The following CLCA1 variants were observed in gnomAD, a reference collection of about 807,000 sequenced individuals.
CLCA1 encodes calcium-activated chloride channel regulator 1.
A neutral mutation model predicts 85.6 loss-of-function variants in CLCA1; 59 were observed. That is an observed-to-expected ratio of 0.69 (90% CI 0.56 to 0.86). CLCA1 has a LOEUF of 0.86. CLCA1 is among the 40% of genes least tolerant of loss of function. The pLI, the probability that CLCA1 is intolerant of heterozygous loss-of-function variation, is 0.00. For synonymous variants in CLCA1, 396 were observed against 398.3 expected (o/e 0.99, Z 0.07); for missense variants, 1,022 against 1,101.4 (o/e 0.93, Z 1.02).
At chr1:86,474,073 A>C (rs986444252) in intron 3 of CLCA1, among the ~76,000 whole-genome samples, 197 bp downstream of exon 3, 1 of 152,226 alleles carries the variant, frequency 6.6e-6, no homozygotes, top group Non-Finnish European at 1.5e-5. Context: ...AATTTAATTT[A>C]CTTTAGATAC....
intron 1 of CLCA1, among the ~76,000 whole-genome samples, chr1:86,472,711 T>C (rs895537838): frequency 1.2e-4 from 18 of 152,212 alleles, no homozygotes; most frequent in African/African-American, 4.3e-4. Flanking sequence ...TATTTTCTTA[T>C]ATCTCTTAGT....
In CLCA1 at chr1:86,500,083, A is replaced by G. The variant is rs748608868; in HGVS notation, c.*38A>G. The G allele has an allele frequency of 2.1e-6, 3 of 1,438,268 alleles. No homozygotes were observed. The South Asian group carries it at 3.8e-5, about 18-fold the overall frequency. The allele number at this position is 1,438,268 out of a possible 1,614,324, so 89.1% of individuals were successfully genotyped here. Reference sequence around the variant, plus strand: ...GTCAGATAAATAAAATAAATCATTCATCCTTTTTTTTGATTATAAAATTTT... The same window carrying G: ...GTCAGATAAATAAAATAAATCATTCGTCCTTTTTTTTGATTATAAAATTTT... On this transcript the variant is annotated 3_prime_UTR_variant, in exon 14 of 14. Transcript: ENST00000394711.
At chr1:86,474,641 T>C (rs1238573681) in intron 3 of CLCA1, among the ~76,000 whole-genome samples, 1 of 152,060 alleles carries the variant, frequency 6.6e-6, no homozygotes, top group East Asian at 1.9e-4. Flanking sequence ...ACAGGAGATG[T>C]TGATTCTACC....
At chr1:86,486,812 C>T in intron 7 of CLCA1, 59 bp downstream of exon 7, 2 of 1,477,036 alleles carry the variant, frequency 1.4e-6, no homozygotes, top group Non-Finnish European at 1.9e-6. Flanking sequence ...GCTTAACAAA[C>T]TTCCATTTCC....
At chr1:86,477,137 G>A (rs144920576) in intron 4 of CLCA1, among the ~76,000 whole-genome samples, 6 of 152,182 alleles carry the variant, frequency 3.9e-5, no homozygotes, top group South Asian at 2.1e-4. Context: ...TTAAGTTTTC[G>A]TACAGGCAGG....
intron 6 of CLCA1, among the ~76,000 whole-genome samples, chr1:86,486,144 G>A (rs531714500): frequency 6.6e-6 from 1 of 152,214 alleles, no homozygotes; most frequent in South Asian, 2.1e-4. Context: ...CCACCTCCAT[G>A]TTCCTCCCAC....
chr1:86,495,540 A>G lies in CLCA1; in HGVS notation c.1978A>G (p.Arg660Gly). The change falls in exon 12 of 14, where the codon AGG (arginine) becomes GGG (glycine). Residue 660 changes from arginine (R) to glycine (G), a missense_variant. By Grantham distance (125) the Arg-to-Gly change is moderately radical (BLOSUM62 -2). Coordinates refer to ENST00000394711, the MANE Select transcript of CLCA1 (RefSeq NM_001285.4). ...DATKDDGVYSRYFTTYDTNGR... is the reference protein window; with the variant it reads ...DATKDDGVYSGYFTTYDTNGR... ...TACTAAGGATGACGGTGTCTACTCA[A>G]GGTATTTCACAACTTATGACACGAA... 1 of 1,614,006 alleles carries G rather than the reference A, an allele frequency of 6.2e-7. No homozygotes were observed.
chr1:86,490,388 A>G (rs1264681536), intron 8 of CLCA1, among the ~76,000 whole-genome samples: 1 of 152,212 alleles, frequency 6.6e-6, no homozygotes, highest in Non-Finnish European at 1.5e-5. Flanking sequence ...CACATCAACT[A>G]ACTTAGTGAC....
rs1648071328 is a variant in CLCA1 at position 86,489,170 on chromosome 1, G to A, written c.1357G>A (p.Gly453Arg). ...ACTAGAGGAGCTGTCCAAAATGACA[G>A]GTGAGGGATGATTTGCTGAGACCCC... ...QELEELSKMT[G>R]GLQTYASDQV... Residue 453 changes from glycine to arginine, a missense_variant and splice_region_variant, in exon 8 of 14, where the codon GGA becomes AGA. Gly to Arg is a moderately radical substitution (Grantham distance 125). Coordinates refer to ENST00000394711, the MANE Select transcript of CLCA1 (RefSeq NM_001285.4). The A allele has an allele frequency of 6.2e-7, 1 of 1,613,236 alleles. No individual in the cohort carries two copies.
chr1:86,491,871 G>A (rs972830976), intron 9 of CLCA1, among the ~76,000 whole-genome samples: 2 of 152,042 alleles, frequency 1.3e-5, no homozygotes, highest in Non-Finnish European at 1.5e-5. Context: ...CTTGGTCCTC[G>A]GTCTGCCATT....
At chr1:86,476,087 T>C (rs1029707589) in intron 3 of CLCA1, among the ~76,000 whole-genome samples, 11 of 152,140 alleles carry the variant, frequency 7.2e-5, no homozygotes, top group African/African-American at 2.4e-4. Flanking sequence ...GCTGTAGGAA[T>C]GCCTGGGCTC....
At chr1:86,472,565 T>C (rs868806753) in intron 1 of CLCA1, among the ~76,000 whole-genome samples, 2 of 152,216 alleles carry the variant, frequency 1.3e-5, no homozygotes, top group Non-Finnish European at 2.9e-5. Flanking sequence ...TCTATAACAG[T>C]ATCTTCTATC....
intron 6 of CLCA1, 58 bp downstream of exon 6, chr1:86,485,619 C>A: frequency 1.3e-6 from 2 of 1,485,328 alleles, no homozygotes; most frequent in East Asian, 2.3e-5. Context: ...ATGTTCTGGA[C>A]CCTGACTCGG....
intron 8 of CLCA1, 78 bp from the exon 9 acceptor site, chr1:86,491,187 G>T: frequency 1.1e-6 from 1 of 936,438 alleles, no homozygotes; most frequent in African/African-American, 1.6e-5. Context: ...TATATTGTAT[G>T]CTCTCTAAAC....
intron 4 of CLCA1, among the ~76,000 whole-genome samples, chr1:86,480,413 A>G (rs1647786858): frequency 6.6e-6 from 1 of 152,176 alleles, no homozygotes; most frequent in Non-Finnish European, 1.5e-5. Flanking sequence ...TAAAATGCCC[A>G]GGAGTTTGAG....
Position 86,476,567 on chromosome 1 carries a change from G to A in CLCA1, c.557+14G>A. 7.7e-7 allele frequency: 1 copy of A among 1,298,440 alleles called. No homozygotes were observed. The highest frequency in any genetic ancestry group is 1.3e-5 in the South Asian group (1 of 79,440). 80.4% of individuals were successfully genotyped at this position (1,298,440 alleles called of 1,614,324 possible). ...ACAAGCAGTAAGGTATGTATATTTT[G>A]ATTTAACTTGTTCCAAACTATTTTA... On this transcript the variant is annotated intron_variant, in intron 4 of 13. Coordinates refer to ENST00000394711, the MANE Select transcript of CLCA1 (RefSeq NM_001285.4).
chr1:86,468,968 A>G lies in CLCA1; in HGVS notation c.-4A>G, dbSNP rs746137570. 6.3e-6 allele frequency: 10 copies of G among 1,598,712 alleles called. No homozygotes were observed. In the South Asian group the frequency reaches 1.1e-4, roughly 18 times the overall value. ...AGAGAGAAATCACAGGGAGATGTAC[A>G]GCAATGGGGCCATTTAAGAGTTCTG... On this transcript the variant is annotated 5_prime_UTR_variant, in exon 1 of 14. Coordinates refer to ENST00000394711, the MANE Select transcript of CLCA1 (RefSeq NM_001285.4).
intron 5 of CLCA1, 24 bp from the exon 6 acceptor site, chr1:86,485,319 A>G: frequency 1.3e-6 from 2 of 1,531,902 alleles, no homozygotes; most frequent in Non-Finnish European, 1.8e-6. Context: ...ACCATTATCT[A>G]TATAATTTCA....
At chr1:86,490,180 G>A (rs552179751) in intron 8 of CLCA1, among the ~76,000 whole-genome samples, 1 of 152,292 alleles carries the variant, frequency 6.6e-6, no homozygotes, top group Non-Finnish European at 1.5e-5. Context: ...GAGGAGAGGG[G>A]CATGTTATTT....
Sources: allele counts gnomAD v4.1 joint callset (sites outside exome capture counted in the v4.1 genomes callset), GRCh38; gene constraint gnomAD v4.1.1; transcripts MANE v1.5; gene names NCBI Gene and HGNC (gene_info 2026-07-23, HGNC 2026-07-21).